The following DGKB variants were observed in gnomAD, a reference collection of about 807,000 sequenced individuals.
DGKB encodes the protein diacylglycerol kinase beta.
A neutral mutation model predicts 114.3 loss-of-function variants in DGKB; 67 were observed. The observed-to-expected ratio is 0.59, with a 90% CI of 0.48 to 0.72. DGKB has a LOEUF of 0.72. DGKB is among the 30% of genes least tolerant of loss of function. DGKB has a pLI of 0.00. For synonymous variants in DGKB, 398 were observed against 323.1 expected (o/e 1.23, Z -2.49); for missense variants, 907 against 975.2 (o/e 0.93, Z 0.93).
intron 9 of DGKB, among the ~76,000 whole-genome samples, chr7:14,691,008 A>C (rs940983315): frequency 6.6e-5 from 10 of 152,202 alleles, no homozygotes; most frequent in African/African-American, 2.4e-4. Context: ...AGCCTCTTGT[A>C]AGAGAAAAGA....
intron 4 of DGKB, among the ~76,000 whole-genome samples, chr7:14,745,616 C>A (rs1006825748): frequency 6.6e-5 from 10 of 152,284 alleles, no homozygotes; most frequent in Non-Finnish European, 1.5e-4. Context: ...CACATGTGCA[C>A]TGGAATGATT....
intron 23 of DGKB, among the ~76,000 whole-genome samples, chr7:14,216,780 C>T (rs560012253): frequency 3.5e-5 from 5 of 144,884 alleles, no homozygotes; most frequent in South Asian, 2.2e-4. Context: ...CTTTTGTCAA[C>T]GTGTATGTGT....
intron 1 of DGKB, among the ~76,000 whole-genome samples, chr7:14,882,396 G>A (rs752852586): frequency 2.0e-5 from 3 of 151,976 alleles, no homozygotes; most frequent in Non-Finnish European, 4.4e-5. Flanking sequence ...TTAGTAGGTA[G>A]TATTGTTTTT....
chr7:14,486,025 A>C (rs1245084095), intron 20 of DGKB, among the ~76,000 whole-genome samples: 1 of 152,188 alleles, frequency 6.6e-6, no homozygotes, highest in African/African-American at 2.4e-5. Flanking sequence ...ATCCAGTTCA[A>C]GTTATTAATC....
intron 2 of DGKB, among the ~76,000 whole-genome samples, chr7:14,831,338 T>G (rs1846384132): frequency 6.6e-6 from 1 of 152,080 alleles, no homozygotes; most frequent in Middle Eastern, 3.4e-3. Flanking sequence ...ATTCTCAATG[T>G]TTCCTTCATG....
intron 1 of DGKB, among the ~76,000 whole-genome samples, chr7:14,880,444 T>A (rs977826088): frequency 7.9e-5 from 12 of 152,048 alleles, no homozygotes; most frequent in African/African-American, 2.7e-4. Flanking sequence ...GGCAACAGAG[T>A]GAGACTCCAT....
At chr7:14,704,128 A>C (rs939880255) in intron 6 of DGKB, among the ~76,000 whole-genome samples, 4 of 151,992 alleles carry the variant, frequency 2.6e-5, no homozygotes, top group African/African-American at 9.7e-5. Flanking sequence ...AATTGAATTG[A>C]ATATAACATT....
At chr7:14,791,009 T>C (rs1840593835) in intron 2 of DGKB, among the ~76,000 whole-genome samples, 1 of 152,168 alleles carries the variant, frequency 6.6e-6, no homozygotes, top group South Asian at 2.1e-4. Flanking sequence ...TTTTTTCTTT[T>C]TGTAAAGAAC....
chr7:14,447,266 C>T (rs937543544), intron 21 of DGKB, among the ~76,000 whole-genome samples: 3 of 152,078 alleles, frequency 2.0e-5, no homozygotes, highest in Non-Finnish European at 4.4e-5. Flanking sequence ...TTTGGGGCCC[C>T]TCTACTGCTG....
upstream of DGKB, among the ~76,000 whole-genome samples, chr7:14,904,924 A>T (rs968582727): frequency 2.0e-5 from 3 of 152,178 alleles, no homozygotes; most frequent in Non-Finnish European, 4.4e-5. Context: ...AACTTTATCC[A>T]CAAATGGTAT....
At chr7:14,395,411 T>C (rs913406832) in intron 21 of DGKB, among the ~76,000 whole-genome samples, 1 of 151,968 alleles carries the variant, frequency 6.6e-6, no homozygotes, top group Admixed American at 6.6e-5. Context: ...ACTTTTTAAA[T>C]AGATAAACCT....
chr7:14,340,065 G>T lies in DGKB; in HGVS notation c.1927-1355C>A, dbSNP rs1243800853. Among the ~76,000 whole-genome samples, 4 of 151,160 alleles carry T rather than the reference G, an allele frequency of 2.6e-5. No homozygotes were observed. In the East Asian group the frequency reaches 5.8e-4, roughly 22 times the overall value. The stretch of plus-strand genomic sequence containing the variant: ...TGTGAAATAAAGAAACACATCTTGA[G>T]ACTACTTGGCAGGGGTAGAAACAAA... On this transcript the variant is annotated intron_variant, in intron 22 of 25. Transcript: ENST00000402815.
At chr7:14,801,000 G>A (rs947351502) in intron 2 of DGKB, among the ~76,000 whole-genome samples, 1 of 152,114 alleles carries the variant, frequency 6.6e-6, no homozygotes. Context: ...AAAACCATGT[G>A]ATCAGCTATA....
chr7:14,560,503 T>C (rs981991730), intron 20 of DGKB, among the ~76,000 whole-genome samples: 1 of 152,202 alleles, frequency 6.6e-6, no homozygotes, highest in Admixed American at 6.5e-5. Flanking sequence ...GATAATGTCC[T>C]CAAGGTTCAT....
chr7:14,576,930 AG>A (rs1563564897), intron 19 of DGKB, among the ~76,000 whole-genome samples: 2 of 152,216 alleles, frequency 1.3e-5, no homozygotes, highest in South Asian at 2.1e-4. Flanking sequence ...GCAATTCAGA[AG>A]TGATTCACAT....
chr7:14,525,270 C>T (rs1790466051), intron 20 of DGKB, among the ~76,000 whole-genome samples: 1 of 152,112 alleles, frequency 6.6e-6, no homozygotes, highest in Admixed American at 6.6e-5. Flanking sequence ...CAATGCTCTC[C>T]CTATTCCAGT....
intron 21 of DGKB, among the ~76,000 whole-genome samples, chr7:14,364,927 C>A (rs1709723948): frequency 6.6e-6 from 1 of 151,966 alleles, no homozygotes; most frequent in Admixed American, 6.6e-5. Flanking sequence ...TATAGAAGGT[C>A]ACCATCTGCA....
In DGKB at chr7:14,525,831, G is replaced by A. The variant is rs78772073; in HGVS notation, c.1771-47606C>T. ...AATATTTTCCAGTACTTATTAATGC[G>A]TTGTCATCATTACATTGGACCCACA... On this transcript the variant is annotated intron_variant, in intron 20 of 25. Transcript: ENST00000402815. Among the ~76,000 whole-genome samples, 817 of 151,760 alleles carry A rather than the reference G, an allele frequency of 5.4e-3. 5 individuals are homozygous for A. Among genetic ancestry groups the A allele is most frequent in the Middle Eastern group, 0.017 (5 of 292 alleles).
At chr7:14,509,156 C>T (rs752047764) in intron 20 of DGKB, among the ~76,000 whole-genome samples, 4 of 152,086 alleles carry the variant, frequency 2.6e-5, no homozygotes, top group African/African-American at 4.8e-5. Flanking sequence ...ACAGGTATAG[C>T]TTGTATACCA....
Sources: allele counts gnomAD v4.1 joint callset (sites outside exome capture counted in the v4.1 genomes callset), GRCh38; gene constraint gnomAD v4.1.1; transcripts MANE v1.5; gene names NCBI Gene and HGNC (gene_info 2026-07-23, HGNC 2026-07-21).